Variants in FBXW11 observed in about 807,000 individuals in gnomAD.
FBXW11 encodes F-box and WD repeat domain containing 11.
A neutral mutation model predicts 77.6 loss-of-function variants in FBXW11; 19 were observed. That is an observed-to-expected ratio of 0.24 (90% CI 0.17 to 0.36). The LOEUF (loss-of-function observed/expected upper bound fraction) is 0.36. Among genes scored for constraint, FBXW11 ranks in the 10% least tolerant of loss-of-function variants. FBXW11 has a pLI of 1.00. For missense variants in FBXW11, 334 were observed against 704.2 expected (o/e 0.47, Z 5.95); for synonymous variants, 235 against 249.4 (o/e 0.94, Z 0.54).
chr5:171,961,771 C>T (rs868162092), intron 1 of FBXW11, among the ~76,000 whole-genome samples: 2 of 152,066 alleles, frequency 1.3e-5, no homozygotes, highest in Non-Finnish European at 2.9e-5. Flanking sequence ...CTCAGCCTCC[C>T]GAGTAACTGG....
Position 171,898,165 on chromosome 5 carries a change from CAT to C in FBXW11, c.714+837_714+838del, listed in dbSNP as rs141383056. On this transcript the variant is annotated intron_variant, in intron 6 of 13. Transcript: ENST00000517395. ...AAGGGTGGTGGGGTCTGAAAAAGCACATGTTTCTCCGTTAATGAATTTTGGCA... is the reference window on the plus strand; with the variant it reads ...AAGGGTGGTGGGGTCTGAAAAAGCACGTTTCTCCGTTAATGAATTTTGGCA... Among the ~76,000 whole-genome samples, 945 of 152,236 alleles carry C rather than the reference CAT, an allele frequency of 6.2e-3. 3 individuals carry two copies. Among genetic ancestry groups the C allele is most frequent in the Non-Finnish European group, 9.1e-3 (617 of 68,014 alleles).
intron 2 of FBXW11, among the ~76,000 whole-genome samples, chr5:171,937,815 G>T (rs371184966): frequency 1.4e-5 from 2 of 141,362 alleles, no homozygotes. Flanking sequence ...GTGAGAGAAT[G>T]AGACCTTGGC....
At chr5:171,905,599 CTTTA>C (rs1760450379) in intron 4 of FBXW11, among the ~76,000 whole-genome samples, 6 of 118,002 alleles carry the variant, frequency 5.1e-5, no homozygotes, top group Non-Finnish European at 9.0e-5. Flanking sequence ...ACCCCCCCCC[CTTTA>C]TTTTCTTGGT....
At chr5:171,992,821 C>T (rs1765824610) in intron 1 of FBXW11, among the ~76,000 whole-genome samples, 1 of 152,042 alleles carries the variant, frequency 6.6e-6, no homozygotes, top group South Asian at 2.1e-4. Context: ...TCTTCTTAGA[C>T]AATCCATCCA....
intron 13 of FBXW11, among the ~76,000 whole-genome samples, chr5:171,866,285 A>C: frequency 6.6e-6 from 1 of 151,346 alleles, no homozygotes; most frequent in East Asian, 1.9e-4. Context: ...AAAAAAAAAA[A>C]TTAGAAAAGA....
chr5:171,899,179 C>T (rs901001438), intron 5 of FBXW11, 85 bp from the exon 6 acceptor site: 3 of 835,822 alleles, frequency 3.6e-6, no homozygotes, highest in Admixed American at 5.4e-5. Flanking sequence ...AAAGATATAT[C>T]TTTCATGTCT....
chr5:171,938,760 C>T (rs77031674), intron 2 of FBXW11, among the ~76,000 whole-genome samples: 4,508 of 152,236 alleles, frequency 0.03, 152 homozygotes, highest in African/African-American at 0.077. Flanking sequence ...CCTACATGCT[C>T]ATACGAAAGA....
intron 7 of FBXW11, among the ~76,000 whole-genome samples, chr5:171,883,485 A>G (rs551544790): frequency 6.6e-6 from 1 of 152,316 alleles, no homozygotes; most frequent in South Asian, 2.1e-4. Context: ...TATGTAACAA[A>G]CCTGCACGTT....
chr5:171,914,305 A>G (rs1473091644), intron 3 of FBXW11, 38 bp downstream of exon 3: 1 of 1,542,516 alleles, frequency 6.5e-7, no homozygotes, highest in Non-Finnish European at 8.9e-7. Flanking sequence ...ATCTACAGTA[A>G]GTCAGTTGCT....
chr5:171,876,247 A>C lies in FBXW11; in HGVS notation c.1221+38T>G. ...CTGCTTTGTCTCTGTTCTAAAAGGG[A>C]CAGGAACAGGTAGGGTTATGACTGC... On this transcript the variant is annotated intron_variant, in intron 9 of 13. Coordinates refer to ENST00000517395, the MANE Select transcript of FBXW11 (RefSeq NM_001378974.1). This position sits in a 1 kb window ranked among gnomAD's most constrained non-coding sequence, Gnocchi z 4.2. The C allele has an allele frequency of 6.2e-7, 1 of 1,610,432 alleles. No homozygotes were observed. Among genetic ancestry groups the C allele is most frequent in the South Asian group, 1.1e-5 (1 of 90,594 alleles).
At chr5:172,002,700 T>TA (rs1554111847) in intron 1 of FBXW11, among the ~76,000 whole-genome samples, 1 of 136,136 alleles carries the variant, frequency 7.3e-6, no homozygotes, top group African/African-American at 2.8e-5. Flanking sequence ...TCTTTTCTTT[T>TA]TTTTTTTTTT....
chr5:171,918,826 C>A (rs1197995026), intron 2 of FBXW11, among the ~76,000 whole-genome samples: 1 of 152,178 alleles, frequency 6.6e-6, no homozygotes, highest in Non-Finnish European at 1.5e-5. Context: ...GCATTCCACA[C>A]CCTCTGAACT....
chr5:171,870,846 A>G lies in FBXW11; in HGVS notation c.1353T>C (p.Ile451=), dbSNP rs372414101. 58 of 1,612,852 alleles carry G rather than the reference A, an allele frequency of 3.6e-5. 1 individual carries two copies. The South Asian group carries it at 5.7e-4, about 16-fold the overall frequency. Residue 451 remains isoleucine, a synonymous_variant, in exon 11 of 14, where the codon ATT becomes ATC. Coordinates refer to ENST00000517395, the MANE Select transcript of FBXW11 (RefSeq NM_001378974.1). ...SSDNTIRLWD[I]ECGACLRVLE... ...GGACTCTTAAACAGGCACCACATTC[A>G]ATATCCCAGAGCCTTGAATGAAAAA... is the stretch of plus-strand genomic sequence containing the variant.
intron 13 of FBXW11, among the ~76,000 whole-genome samples, chr5:171,867,455 G>GA (rs1040362644): frequency 8.5e-4 from 102 of 120,358 alleles, no homozygotes; most frequent in East Asian, 9.3e-4. Context: ...GTGGAGACAG[G>GA]AAAAAAAAAA....
chr5:171,966,506 A>T (rs963052624), intron 1 of FBXW11, among the ~76,000 whole-genome samples: 1 of 152,238 alleles, frequency 6.6e-6, no homozygotes, highest in African/African-American at 2.4e-5. Flanking sequence ...ACAGGATGTA[A>T]CAAAATAATC....
chr5:171,979,932 G>A (rs946832382), intron 1 of FBXW11, among the ~76,000 whole-genome samples: 2 of 152,166 alleles, frequency 1.3e-5, no homozygotes, highest in Non-Finnish European at 2.9e-5. Flanking sequence ...TATTTGTCCC[G>A]ATTGGCTAGC....
At chr5:171,929,608 T>C (rs1320228267) in intron 2 of FBXW11, among the ~76,000 whole-genome samples, 1 of 152,052 alleles carries the variant, frequency 6.6e-6, no homozygotes, top group Non-Finnish European at 1.5e-5. Context: ...TCCTAGCACT[T>C]TGGGAGGCCG....
chr5:171,979,552 A>T (rs1765032775), intron 1 of FBXW11, among the ~76,000 whole-genome samples: 1 of 152,128 alleles, frequency 6.6e-6, no homozygotes, highest in Admixed American at 6.5e-5. Flanking sequence ...GTAAGTTCCT[A>T]TTCAATAATT....
intron 1 of FBXW11, among the ~76,000 whole-genome samples, chr5:171,961,947 G>A (rs575876141): frequency 2.6e-5 from 4 of 152,186 alleles, no homozygotes; most frequent in South Asian, 4.1e-4. Context: ...GCTCCTGGCC[G>A]TAAGTGATTC....
Sources: allele counts gnomAD v4.1 joint callset (sites outside exome capture counted in the v4.1 genomes callset), GRCh38; gene constraint gnomAD v4.1.1; non-coding constraint Gnocchi (gnomAD v3.1); transcripts MANE v1.5; gene names NCBI Gene and HGNC (gene_info 2026-07-23, HGNC 2026-07-21).